NEGR1: variants seen among roughly 807,000 people sequenced by gnomAD.
NEGR1 encodes the protein IgLON family member 4.
In NEGR1, 10 loss-of-function variants were observed where a neutral mutation model predicts 40.9. That is an observed-to-expected ratio of 0.24 (90% CI 0.15 to 0.42). The LOEUF (loss-of-function observed/expected upper bound fraction) is 0.42, where lower values mean the gene tolerates loss of function less well. Ranked by LOEUF, NEGR1 falls within the 10% of genes least tolerant of loss-of-function variation. The pLI, the probability that NEGR1 is intolerant of heterozygous loss-of-function variation, is 1.00. For synonymous variants in NEGR1, 185 were observed against 166.8 expected, an observed-to-expected ratio of 1.11 and a Z score of -0.84; for missense variants, 352 against 438.9, an observed-to-expected ratio of 0.80 and a Z score of 1.77.
At chr1:71,501,014 G>T (rs1467544977) in intron 6 of NEGR1, among the ~76,000 whole-genome samples, 3 of 152,016 alleles carry the variant, frequency 2.0e-5, no homozygotes, top group Non-Finnish European at 2.9e-5. Flanking sequence ...TTGAAACATT[G>T]TATTGTAACT....
At chr1:71,805,322 T>C (rs1291544531) in intron 2 of NEGR1, among the ~76,000 whole-genome samples, 2 of 152,184 alleles carry the variant, frequency 1.3e-5, no homozygotes, top group Non-Finnish European at 2.9e-5. Context: ...ACATCCTATT[T>C]GTACACTCCC....
rs201298622 is a variant in NEGR1, at chr1:71,935,095, C to A, written c.393G>T (p.Val131=). 6.2e-7 allele frequency: 1 copy of A among 1,604,880 alleles called. No homozygotes were observed. The highest frequency in any genetic ancestry group is 1.1e-5 in the South Asian group (1 of 90,854). The change falls in exon 2 of 7, where the codon GTG becomes GTT. Residue 131 remains valine, a synonymous_variant. Coordinates refer to ENST00000357731, the MANE Select transcript of NEGR1 (RefSeq NM_173808.3). ...AATACATACCTTGCACAGTTAGATG[C>A]ACCTGCATTGTTCTGGGTGTATGTT... is the stretch of plus-strand genomic sequence containing the variant. ...QTQHTPRTMQ[V]HLTVQVPPKI...
At chr1:71,960,613 T>A (rs1003895322) in intron 1 of NEGR1, among the ~76,000 whole-genome samples, 2 of 152,172 alleles carry the variant, frequency 1.3e-5, no homozygotes, top group African/African-American at 4.8e-5. Flanking sequence ...ATTTTACTGT[T>A]ATTAGGTTTT....
At chr1:72,181,889 CAG>C (rs1240324663) in intron 1 of NEGR1, among the ~76,000 whole-genome samples, 1 of 151,944 alleles carries the variant, frequency 6.6e-6, no homozygotes, top group East Asian at 1.9e-4. Flanking sequence ...GGGAGAAGGA[CAG>C]AGGGGAGAAA....
intron 3 of NEGR1, among the ~76,000 whole-genome samples, chr1:71,773,306 C>T (rs1656393650): frequency 6.6e-6 from 1 of 152,170 alleles, no homozygotes; most frequent in Non-Finnish European, 1.5e-5. Context: ...CATTACTTCT[C>T]GTGTTGACAT....
At chr1:72,083,642 G>A (rs769226115) in intron 1 of NEGR1, among the ~76,000 whole-genome samples, 14 of 152,114 alleles carry the variant, frequency 9.2e-5, no homozygotes, top group Non-Finnish European at 2.1e-4. Context: ...AGTGGCATTT[G>A]TTAATTGCCT....
Position 71,834,461 on chromosome 1 carries a change from CT to C in NEGR1, c.410-58165del, listed in dbSNP as rs532145589. ...GGAATTCACCACCCACCCCCACCCC[CT>C]GCCAACCATTTTTTTTTCCTCCCTC... On this transcript the variant is annotated intron_variant, in intron 2 of 6. Transcript: ENST00000357731. 4.4e-3 allele frequency among the ~76,000 whole-genome samples: 672 copies of C among 151,462 alleles called. 3 individuals are homozygous for C. The highest frequency in any genetic ancestry group is 0.015 in the African/African-American group (639 of 41,226).
rs1653541957 is a variant in NEGR1 at position 71,697,990 on chromosome 1, A to AG, written c.667+17_667+18insC. On this transcript the variant is annotated intron_variant, in intron 4 of 6. Coordinates refer to ENST00000357731, the MANE Select transcript of NEGR1 (RefSeq NM_173808.3). ...TCTTTTCTCAGAACTTATCTTGATA[A>AG]AAGGTGATGACACTTACAGTTGACA... is the stretch of plus-strand genomic sequence containing the variant. The AG allele has an allele frequency of 6.2e-7, 1 of 1,603,888 alleles. No individual in the cohort carries two copies. Among genetic ancestry groups the AG allele is most frequent in the African/African-American group, 1.3e-5 (1 of 74,286 alleles).
At chr1:71,644,358 C>T (rs1467567977) in intron 4 of NEGR1, among the ~76,000 whole-genome samples, 1 of 151,958 alleles carries the variant, frequency 6.6e-6, no homozygotes, top group Non-Finnish European at 1.5e-5. Context: ...CCATTAAGAA[C>T]ATAATTCCTA....
At chr1:71,943,087 C>T (rs563299034) in intron 1 of NEGR1, among the ~76,000 whole-genome samples, 30 of 141,750 alleles carry the variant, frequency 2.1e-4, no homozygotes, top group South Asian at 4.4e-4. Context: ...TATATATATA[C>T]ACACATACAT....
intron 1 of NEGR1, among the ~76,000 whole-genome samples, chr1:72,147,139 A>G (rs1650941079): frequency 6.6e-6 from 1 of 152,204 alleles, no homozygotes; most frequent in Admixed American, 6.6e-5. Context: ...AGGCAATAAA[A>G]ATTTTATTTT....
At chr1:72,210,626 C>T (rs939256174) in intron 1 of NEGR1, among the ~76,000 whole-genome samples, 2 of 151,702 alleles carry the variant, frequency 1.3e-5, no homozygotes, top group African/African-American at 2.4e-5. Flanking sequence ...TTGATTCTGC[C>T]GCTGTGAACT....
intron 2 of NEGR1, among the ~76,000 whole-genome samples, chr1:71,825,948 C>T (rs1303497652): frequency 1.3e-5 from 2 of 151,874 alleles, no homozygotes; most frequent in Non-Finnish European, 2.9e-5. Flanking sequence ...TTTCTTACAT[C>T]GTTTTACCTG....
chr1:72,087,559 G>C (rs1461443770), intron 1 of NEGR1, among the ~76,000 whole-genome samples: 1 of 151,696 alleles, frequency 6.6e-6, no homozygotes, highest in Non-Finnish European at 1.5e-5. Flanking sequence ...TACAGTGATA[G>C]AAACAACAGT....
chr1:71,410,812 T>C (rs1646314904), intron 6 of NEGR1, among the ~76,000 whole-genome samples: 1 of 152,158 alleles, frequency 6.6e-6, no homozygotes, highest in African/African-American at 2.4e-5. Context: ...TCAGTATTAT[T>C]TGGGTCAATG....
intron 1 of NEGR1, among the ~76,000 whole-genome samples, chr1:72,145,597 G>A (rs1176936646): frequency 6.6e-6 from 1 of 152,056 alleles, no homozygotes; most frequent in African/African-American, 2.4e-5. Context: ...AGTATGGTTG[G>A]ACTAGGGGGT....
chr1:71,708,717 G>A (rs982358798), intron 3 of NEGR1, among the ~76,000 whole-genome samples: 33 of 152,034 alleles, frequency 2.2e-4, no homozygotes, highest in African/African-American at 8.0e-4. Flanking sequence ...ATTAAGCCCA[G>A]CATCCATTAG....
At chr1:71,639,773 CATGA>C (rs1421842696) in intron 4 of NEGR1, among the ~76,000 whole-genome samples, 3 of 151,916 alleles carry the variant, frequency 2.0e-5, no homozygotes, top group Non-Finnish European at 4.4e-5. Context: ...CCAGAGGCAG[CATGA>C]ATGGAGACGT....
At chr1:71,933,791 C>T (rs1645877590) in intron 2 of NEGR1, among the ~76,000 whole-genome samples, 1 of 151,994 alleles carries the variant, frequency 6.6e-6, no homozygotes. Flanking sequence ...AATTCATTGA[C>T]TTATTTTTCA....
Sources: gnomAD v4.1 joint callset for allele counts (sites outside exome capture counted in the v4.1 genomes callset) on GRCh38, gnomAD v4.1.1 for gene constraint, MANE v1.5 for transcripts, NCBI Gene and HGNC (gene_info 2026-07-23, HGNC 2026-07-21) for gene names.